MAP4: variants seen among roughly 807,000 people sequenced by gnomAD.
MAP4 encodes the protein microtubule associated protein 4, also known as microtubule-associated protein 4.
Under a neutral mutation model 170.2 loss-of-function variants are expected in MAP4, and 76 were observed. The ratio of observed to expected loss-of-function variants is 0.45; its 90% CI spans 0.37 to 0.54. The LOEUF (loss-of-function observed/expected upper bound fraction) is 0.54. Ranked by LOEUF, MAP4 falls within the 20% of genes least tolerant of loss-of-function variation. MAP4 has a pLI of 0.00. For missense variants in MAP4, 2,506 were observed against 2,748.0 expected (o/e 0.91, Z 1.97); for synonymous variants, 909 against 994.5 (o/e 0.91, Z 1.62).
At chr3:47,939,330 T>C (rs946720023) in intron 3 of MAP4, among the ~76,000 whole-genome samples, 24 of 129,848 alleles carry the variant, frequency 1.8e-4, no homozygotes, top group African/African-American at 1.1e-3. Context: ...AAAATTTTCA[T>C]TATTTTACAT....
intron 1 of MAP4, among the ~76,000 whole-genome samples, chr3:48,065,667 G>A (rs944909934): frequency 6.6e-6 from 1 of 152,210 alleles, no homozygotes; most frequent in Non-Finnish European, 1.5e-5. Flanking sequence ...ATCCCTGTAT[G>A]CACTGGCATC....
At chr3:48,045,783 C>T (rs2100124212) in intron 1 of MAP4, among the ~76,000 whole-genome samples, 1 of 152,182 alleles carries the variant, frequency 6.6e-6, no homozygotes, top group Non-Finnish European at 1.5e-5. Context: ...CCTTGTGATC[C>T]GCCTGCCTCG....
chr3:48,030,436 C>T (rs1268033852), intron 1 of MAP4, among the ~76,000 whole-genome samples: 2 of 151,258 alleles, frequency 1.3e-5, no homozygotes, highest in African/African-American at 4.9e-5. Context: ...CAAGATGAGC[C>T]TGAAGTACCT....
In MAP4 at chr3:47,910,303, T is replaced by C. The variant is rs1384078254; in HGVS notation, c.4118A>G (p.Asn1373Ser). ...SNDGKSKKVK[N>S]SSPEKHILEN... The stretch of plus-strand genomic sequence containing the variant: ...CAGAATGTGCTTCTCAGGAGAACTA[T>C]TTTTAACCTTTTTACTTTTTCCATC... The change falls in exon 9 of 21, where the codon AAT becomes AGT. Residue 1373 changes from asparagine to serine, a missense_variant. By Grantham distance (46) the Asn-to-Ser change is conservative. Transcript: ENST00000683076. 1 of 1,575,830 alleles carries C rather than the reference T, an allele frequency of 6.3e-7. No homozygotes were observed. Among genetic ancestry groups the C allele is most frequent in the Non-Finnish European group, 8.6e-7 (1 of 1,165,862 alleles).
intron 3 of MAP4, among the ~76,000 whole-genome samples, chr3:47,967,463 C>T (rs774793409): frequency 1.3e-5 from 2 of 152,120 alleles, no homozygotes; most frequent in African/African-American, 4.8e-5. Flanking sequence ...ACCAGCCTGG[C>T]CAACATGGTA....
At chr3:47,862,482 CT>C (rs1211702254) in intron 17 of MAP4, among the ~76,000 whole-genome samples, 13 of 142,870 alleles carry the variant, frequency 9.1e-5, no homozygotes, top group South Asian at 2.3e-4. Flanking sequence ...CAATTTTTTC[CT>C]TTTTTTTTTG....
At chr3:48,053,659 T>G (rs915618955) in intron 1 of MAP4, among the ~76,000 whole-genome samples, 14 of 152,178 alleles carry the variant, frequency 9.2e-5, no homozygotes, top group Admixed American at 7.2e-4. Context: ...AACTATGAGA[T>G]TCATGTGAAA....
intron 1 of MAP4, among the ~76,000 whole-genome samples, chr3:48,012,003 G>A (rs1283849862): frequency 6.6e-6 from 1 of 152,182 alleles, no homozygotes; most frequent in East Asian, 1.9e-4. Context: ...TAAATCCTGA[G>A]ATCGGATTAA....
At chr3:48,081,737 T>C (rs1300486785) in intron 1 of MAP4, among the ~76,000 whole-genome samples, 1 of 152,054 alleles carries the variant, frequency 6.6e-6, no homozygotes, top group Non-Finnish European at 1.5e-5. Context: ...TATATATATA[T>C]TACTTCCTAA....
At chr3:48,080,425 T>TA (rs2100146056) in intron 1 of MAP4, among the ~76,000 whole-genome samples, 1 of 152,166 alleles carries the variant, frequency 6.6e-6, no homozygotes, top group South Asian at 2.1e-4. Context: ...GTATTTTTTT[T>TA]AAAAAAGCTA....
At chr3:48,020,804 TTA>T (rs1385684429), upstream of MAP4, among the ~76,000 whole-genome samples, 1 of 152,178 alleles carries the variant, frequency 6.6e-6, no homozygotes, top group Non-Finnish European at 1.5e-5. Flanking sequence ...TTTGTTTTTT[TTA>T]GAGACAAGTC....
At chr3:47,856,466 C>G (rs930181405) in intron 18 of MAP4, among the ~76,000 whole-genome samples, 6 of 145,538 alleles carry the variant, frequency 4.1e-5, no homozygotes, top group African/African-American at 1.3e-4. Flanking sequence ...TTTTTTTTTT[C>G]TTTTTGGAGA....
intron 1 of MAP4, among the ~76,000 whole-genome samples, chr3:48,057,841 G>A (rs1292260653): frequency 6.6e-6 from 1 of 151,856 alleles, no homozygotes; most frequent in Non-Finnish European, 1.5e-5. Context: ...AGTGTACAAG[G>A]GATATCTCTG....
At chr3:47,997,314 T>C (rs1426737991) in intron 2 of MAP4, among the ~76,000 whole-genome samples, 1 of 53,566 alleles carries the variant, frequency 1.9e-5, no homozygotes, top group African/African-American at 1.0e-4. Context: ...AAACACAACA[T>C]ATTTAAACTG....
intron 3 of MAP4, among the ~76,000 whole-genome samples, chr3:47,969,421 G>C (rs1399266337): frequency 2.0e-4 from 1 of 5,010 alleles, no homozygotes. Context: ...GGCGCGGGGA[G>C]AGAAAAAAAA....
intron 1 of MAP4, among the ~76,000 whole-genome samples, chr3:48,038,191 AAAAG>A (rs1350848839): frequency 1.1e-3 from 174 of 151,652 alleles, no homozygotes; most frequent in African/African-American, 3.8e-3. Flanking sequence ...AAAAAAAAAA[AAAAG>A]AGTGAGGATT....
chr3:47,952,384 G>A (rs575670247), intron 3 of MAP4, among the ~76,000 whole-genome samples: 1 of 152,238 alleles, frequency 6.6e-6, no homozygotes, highest in Non-Finnish European at 1.5e-5. Context: ...AGTCTGGGAG[G>A]TGTACCCAAC....
intron 1 of MAP4, among the ~76,000 whole-genome samples, chr3:48,047,673 A>C (rs770578457): frequency 6.6e-6 from 1 of 152,206 alleles, no homozygotes; most frequent in Admixed American, 6.5e-5. Flanking sequence ...AGTAGACACA[A>C]TTACTTACTT....
chr3:47,913,598 C>T (rs894653655), intron 8 of MAP4, among the ~76,000 whole-genome samples: 6 of 151,972 alleles, frequency 3.9e-5, no homozygotes, highest in Non-Finnish European at 8.8e-5. Flanking sequence ...GGGGCAAGGA[C>T]GGGGACTTAA....
Sources: gnomAD v4.1 joint callset for allele counts (sites outside exome capture counted in the v4.1 genomes callset) on GRCh38, gnomAD v4.1.1 for gene constraint, MANE v1.5 for transcripts, NCBI Gene and HGNC (gene_info 2026-07-23, HGNC 2026-07-21) for gene names.